Variants in ZC3H7A observed in about 807,000 individuals in gnomAD.
ZC3H7A encodes the protein zinc finger CCCH-type containing 7A, also known as zinc finger CCCH domain-containing protein 7A.
A neutral mutation model predicts 125.5 loss-of-function variants in ZC3H7A; 44 were observed. That is an observed-to-expected ratio of 0.35 (90% CI 0.28 to 0.45). ZC3H7A has a LOEUF of 0.45. Among genes scored for constraint, ZC3H7A ranks in the 20% least tolerant of loss-of-function variants. ZC3H7A has a pLI of 1.00. For missense variants in ZC3H7A, 977 were observed against 1,170.7 expected, an observed-to-expected ratio of 0.83 and a Z score of 2.41; for synonymous variants, 399 against 391.2, an observed-to-expected ratio of 1.02 and a Z score of -0.23.
chr16:11,765,789 C>A lies in ZC3H7A; in HGVS notation c.1523-104G>T. On this transcript the variant is annotated intron_variant, in intron 13 of 22. Transcript: ENST00000355758. The surrounding 1 kb of genome is among the most constrained non-coding windows in gnomAD (Gnocchi z 4.8). Reference sequence around the variant, plus strand: ...GGAGGATCCCTTGAGCCCAGGAGTTCAAGGCTGCGGTGAGCAATGATCTTG... The same window carrying A: ...GGAGGATCCCTTGAGCCCAGGAGTTAAAGGCTGCGGTGAGCAATGATCTTG... 1.8e-6 allele frequency: 2 copies of A among 1,137,808 alleles called. No individual in the cohort carries two copies. The highest frequency in any genetic ancestry group is 3.4e-5 in the South Asian group (2 of 58,924). The allele number at this position is 1,137,808 out of a possible 1,614,324, so 70.5% of individuals were successfully genotyped here. A position where few individuals can be genotyped will look rare whatever the true frequency, so the allele number is the denominator to read the frequency against.
Position 11,777,333 on chromosome 16 carries a change from A to G in ZC3H7A, c.307-424T>C, listed in dbSNP as rs149606211. ...ATATTACCCAAAACAAAATAAATAA[A>G]CAATGAATGCTCTTTAACAAAGAGC... is the stretch of plus-strand genomic sequence containing the variant. On this transcript the variant is annotated intron_variant, in intron 4 of 22. Transcript: ENST00000355758. 1.4e-3 allele frequency among the ~76,000 whole-genome samples: 215 copies of G among 152,288 alleles called. No homozygotes were observed. The Middle Eastern group carries it at 0.024, about 17-fold the overall frequency.
intron 1 of ZC3H7A, among the ~76,000 whole-genome samples, chr16:11,788,089 A>C (rs1398267090): frequency 1.3e-5 from 2 of 152,194 alleles, no homozygotes; most frequent in African/African-American, 4.8e-5. Flanking sequence ...CTCAATTTTA[A>C]AGAAAGAAAG....
intron 12 of ZC3H7A, 72 bp from the exon 13 acceptor site, chr16:11,767,650 G>C (rs1019201113): frequency 9.9e-6 from 14 of 1,408,346 alleles, no homozygotes; most frequent in Non-Finnish European, 1.2e-5. Flanking sequence ...AAATTTACAA[G>C]CAGACATGAA....
rs199582361 is a variant in ZC3H7A, at chr16:11,768,517, G to T, written c.1174-16C>A. ...GTCCATTCATCTGCAAGAAAAATAAGAAGAAAAAAAAAAAAAACAGCCAAC... is the reference window on the plus strand; with the variant it reads ...GTCCATTCATCTGCAAGAAAAATAATAAGAAAAAAAAAAAAAACAGCCAAC... On this transcript the variant is annotated splice_polypyrimidine_tract_variant and intron_variant, in intron 11 of 22. Transcript: ENST00000355758. 63 of 1,048,374 alleles carry T rather than the reference G, an allele frequency of 6.0e-5. No homozygotes were observed. Among genetic ancestry groups the T allele is most frequent in the Non-Finnish European group, 6.5e-5 (56 of 862,028 alleles). The allele number at this position is 1,048,374 out of a possible 1,614,324, so 64.9% of individuals were successfully genotyped here.
intron 1 of ZC3H7A, among the ~76,000 whole-genome samples, chr16:11,794,854 T>C (rs2053409845): frequency 6.6e-6 from 1 of 152,244 alleles, no homozygotes; most frequent in Non-Finnish European, 1.5e-5. Context: ...AAGCCACCAT[T>C]CTTATTTGCA....
chr16:11,768,517 G>GAAT lies in ZC3H7A; in HGVS notation c.1174-17_1174-16insATT. 3 of 1,048,742 alleles carry GAAT rather than the reference G, an allele frequency of 2.9e-6. No homozygotes were observed. The highest frequency in any genetic ancestry group is 3.4e-5 in the African/African-American group (1 of 29,776). The allele number at this position is 1,048,742 out of a possible 1,614,324, so 65.0% of individuals were successfully genotyped here. On this transcript the variant is annotated splice_polypyrimidine_tract_variant and intron_variant, in intron 11 of 22. Transcript: ENST00000355758. ...GTCCATTCATCTGCAAGAAAAATAA[G>GAAT]AAGAAAAAAAAAAAAAACAGCCAAC...
At chr16:11,752,039 G>A (rs1329910292) in intron 22 of ZC3H7A, among the ~76,000 whole-genome samples, 2 of 151,604 alleles carry the variant, frequency 1.3e-5, no homozygotes, top group African/African-American at 2.4e-5. Flanking sequence ...CTGAGTAGCT[G>A]GGATTACAGG....
At chr16:11,771,961 G>A (rs756229031) in intron 9 of ZC3H7A, among the ~76,000 whole-genome samples, 5 of 152,056 alleles carry the variant, frequency 3.3e-5, no homozygotes, top group African/African-American at 7.2e-5. Context: ...GTGGGAGGAT[G>A]AGGTGGGTGG....
chr16:11,751,071 A>T lies in ZC3H7A; in HGVS notation c.*246T>A. ...CCTCTTCCCCAACACACTTCATCCA[A>T]AAGTCTGTTCAACAGATGGCAACCG... On this transcript the variant is annotated 3_prime_UTR_variant, in exon 23 of 23. Coordinates refer to ENST00000355758, the MANE Select transcript of ZC3H7A (RefSeq NM_014153.4). 2.6e-6 allele frequency: 1 copy of T among 389,434 alleles called. No homozygotes were observed. The highest frequency in any genetic ancestry group is 4.6e-6 in the Non-Finnish European group (1 of 216,090). 24.1% of individuals were successfully genotyped at this position (389,434 alleles called of 1,614,324 possible).
intron 9 of ZC3H7A, among the ~76,000 whole-genome samples, chr16:11,773,010 G>T (rs1033953646): frequency 1.3e-5 from 2 of 151,668 alleles, no homozygotes; most frequent in African/African-American, 2.4e-5. Flanking sequence ...TTCTATACAG[G>T]GATGGACACT....
chr16:11,770,320 A>C (rs1438302637), intron 10 of ZC3H7A, among the ~76,000 whole-genome samples: 2 of 152,178 alleles, frequency 1.3e-5, no homozygotes, highest in Non-Finnish European at 2.9e-5. Flanking sequence ...TCTCCTGTAA[A>C]GTTAAAGCAG....
chr16:11,764,978 T>C (rs2052830044), intron 15 of ZC3H7A, 75 bp downstream of exon 15: 7 of 995,930 alleles, frequency 7.0e-6, no homozygotes, highest in South Asian at 1.6e-5. Context: ...TGGACAGACA[T>C]TACTACTAGT....
At chr16:11,757,837 CAG>C (rs1371361800) in intron 20 of ZC3H7A, among the ~76,000 whole-genome samples, 2 of 152,138 alleles carry the variant, frequency 1.3e-5, no homozygotes, top group African/African-American at 4.8e-5. Context: ...TCTTATAATC[CAG>C]AGACTGCAGT....
At chr16:11,786,756 T>A (rs2053263138) in intron 1 of ZC3H7A, among the ~76,000 whole-genome samples, 1 of 152,178 alleles carries the variant, frequency 6.6e-6, no homozygotes, top group Non-Finnish European at 1.5e-5. Flanking sequence ...TTGAAAGTTC[T>A]CAAACACACA....
At chr16:11,768,898 T>A in intron 11 of ZC3H7A, 133 bp downstream of exon 11, 1 of 868,834 alleles carries the variant, frequency 1.2e-6, no homozygotes, top group Non-Finnish European at 1.7e-6. Flanking sequence ...TCCAGAAGTC[T>A]TACTTTAACA....
rs529749625 is a variant in ZC3H7A, at chr16:11,779,372, A to T, written c.109-9T>A. ...AGAGCACGCAAATATACCTAAAAAAAAGAAAGTTACCACTTGAAGCCTTTT... is the reference window on the plus strand; with the variant it reads ...AGAGCACGCAAATATACCTAAAAAATAGAAAGTTACCACTTGAAGCCTTTT... On this transcript the variant is annotated splice_polypyrimidine_tract_variant and intron_variant, in intron 3 of 22. Coordinates refer to ENST00000355758, the MANE Select transcript of ZC3H7A (RefSeq NM_014153.4). 6.9e-6 allele frequency: 11 copies of T among 1,604,562 alleles called. No homozygotes were observed. In the African/African-American group the frequency reaches 1.3e-4, roughly 20 times the overall value.
rs962156429 is a variant in ZC3H7A, at chr16:11,767,797, CA to C, written c.1361-220del. Among the ~76,000 whole-genome samples, 5 of 148,824 alleles carry C rather than the reference CA, an allele frequency of 3.4e-5. No individual in the cohort carries two copies. The South Asian group carries it at 6.3e-4, about 19-fold the overall frequency. On this transcript the variant is annotated intron_variant, in intron 12 of 22. Coordinates refer to ENST00000355758, the MANE Select transcript of ZC3H7A (RefSeq NM_014153.4). ...ATGTTCTATTCAACTCCACTCCTGC[CA>C]AAAAAAAATACCCTTACTTAACTTT...
In ZC3H7A at chr16:11,765,687, TAG is replaced by T; in HGVS notation, c.1523-4_1523-3del. On this transcript the variant is annotated splice_region_variant and splice_polypyrimidine_tract_variant and intron_variant, in intron 13 of 22. Transcript: ENST00000355758. The surrounding 1 kb of genome is among the most constrained non-coding windows in gnomAD (Gnocchi z 4.8). ...TACATTCCTCCTCAGCAGCAACATC[TAG>T]AAAGACAGGGAATGGACAGACATTG... 6.2e-7 allele frequency: 1 copy of T among 1,609,486 alleles called. No homozygotes were observed. Among genetic ancestry groups the T allele is most frequent in the South Asian group, 1.1e-5 (1 of 90,434 alleles).
intron 21 of ZC3H7A, 66 bp downstream of exon 21, chr16:11,756,170 GA>G: frequency 6.4e-7 from 1 of 1,553,886 alleles, no homozygotes; most frequent in South Asian, 1.2e-5. Context: ...TCAAAAAAAA[GA>G]AAAGGGAAAA....
Sources: allele counts gnomAD v4.1 joint callset (sites outside exome capture counted in the v4.1 genomes callset), GRCh38; gene constraint gnomAD v4.1.1; non-coding constraint Gnocchi (gnomAD v3.1); transcripts MANE v1.5; gene names NCBI Gene and HGNC (gene_info 2026-07-23, HGNC 2026-07-21).